The following IGSF9B variants were observed in gnomAD, a reference collection of about 807,000 sequenced individuals.
The protein encoded by IGSF9B is immunoglobulin superfamily member 9B.
IGSF9B carries 48 observed loss-of-function variants against 143.7 expected under a neutral mutation model. The ratio of observed to expected loss-of-function variants is 0.33; its 90% CI spans 0.26 to 0.42. IGSF9B has a LOEUF of 0.42. IGSF9B is among the 20% of genes least tolerant of loss of function. IGSF9B has a pLI of 1.00. For missense variants in IGSF9B, 1,706 were observed against 1,980.0 expected (o/e 0.86, Z 2.63); for synonymous variants, 903 against 833.1 (o/e 1.08, Z -1.44).
In IGSF9B at chr11:133,940,732, A is replaced by G. The variant is rs547294274; in HGVS notation, c.410-2771T>C. On this transcript the variant is annotated intron_variant, in intron 3 of 19. Coordinates refer to ENST00000533871, the MANE Select transcript of IGSF9B (RefSeq NM_001277285.4). ...CGCATGTCCTCGCACGCGTCATCAC[A>G]TACAGAAACATACACCTTGCACGTC... Among the ~76,000 whole-genome samples the G allele has an allele frequency of 2.6e-5, 4 of 151,168 alleles. No individual in the cohort carries two copies. The South Asian group carries it at 8.4e-4, about 32-fold the overall frequency.
chr11:133,955,435 C>A (rs1940233856), intron 1 of IGSF9B, among the ~76,000 whole-genome samples: 1 of 152,258 alleles, frequency 6.6e-6, no homozygotes, highest in Non-Finnish European at 1.5e-5. Flanking sequence ...GGAAAGTTTC[C>A]TGAAGCACGC....
chr11:133,944,110 G>T, intron 3 of IGSF9B, 110 bp downstream of exon 3: 2 of 1,184,854 alleles, frequency 1.7e-6, no homozygotes, highest in Non-Finnish European at 2.3e-6. Flanking sequence ...GGGGGGCAGG[G>T]GGTGAGATGC....
chr11:133,922,466 T>C, intron 16 of IGSF9B, 103 bp downstream of exon 16: 1 of 1,172,754 alleles, frequency 8.5e-7, no homozygotes, highest in Non-Finnish European at 1.2e-6. Context: ...GATCTCAATG[T>C]CCCTATTTCC....
At chr11:133,926,868 C>T (rs1298061499) in intron 13 of IGSF9B, 48 bp downstream of exon 13, 2 of 1,499,282 alleles carry the variant, frequency 1.3e-6, no homozygotes, top group Non-Finnish European at 9.0e-7. Context: ...CCACCGCCCC[C>T]ACCACCTCTA....
At chr11:133,937,552 T>C in intron 4 of IGSF9B, 59 bp from the exon 5 acceptor site, 2 of 1,365,034 alleles carry the variant, frequency 1.5e-6, no homozygotes, top group Non-Finnish European at 2.1e-6. Context: ...GCTGCTACCC[T>C]CAAACACGGA....
At chr11:133,934,345 C>T (rs191258306) in intron 7 of IGSF9B, among the ~76,000 whole-genome samples, 149 of 152,338 alleles carry the variant, frequency 9.8e-4, no homozygotes, top group Admixed American at 3.1e-3. Context: ...CACAGAGGGA[C>T]GGGGCGCACC....
At chr11:133,944,760 G>C (rs903714610) in intron 2 of IGSF9B, among the ~76,000 whole-genome samples, 14 of 152,206 alleles carry the variant, frequency 9.2e-5, no homozygotes, top group Non-Finnish European at 1.6e-4. Flanking sequence ...AGGATGGGTG[G>C]GGGGTCTCCA....
chr11:133,948,443 T>G lies in IGSF9B; in HGVS notation c.65-2185A>C, dbSNP rs1243260324. Among the ~76,000 whole-genome samples, 1 of 152,146 alleles carries G rather than the reference T, an allele frequency of 6.6e-6. No individual in the cohort carries two copies. The highest frequency in any genetic ancestry group is 1.5e-5 in the Non-Finnish European group (1 of 68,026). On this transcript the variant is annotated intron_variant, in intron 1 of 19. Coordinates refer to ENST00000533871, the MANE Select transcript of IGSF9B (RefSeq NM_001277285.4). The surrounding 1 kb of genome is among the most constrained non-coding windows in gnomAD (Gnocchi z 4.7). ...CCCCAACCTTGCTTCAGGCTAAGTTTGCAACCCAGCCCCTCAGGGAAAGCA... is the reference window on the plus strand; with the variant it reads ...CCCCAACCTTGCTTCAGGCTAAGTTGGCAACCCAGCCCCTCAGGGAAAGCA...
Position 133,908,057 on chromosome 11 carries a change from C to G in IGSF9B, c.*1012G>C, listed in dbSNP as rs890961741. Among the ~76,000 whole-genome samples, 3 of 152,244 alleles carry G rather than the reference C, an allele frequency of 2.0e-5. No individual in the cohort carries two copies. Among genetic ancestry groups the G allele is most frequent in the Non-Finnish European group, 2.9e-5 (2 of 68,040 alleles). On this transcript the variant is annotated 3_prime_UTR_variant, in exon 20 of 20. Coordinates refer to ENST00000533871, the MANE Select transcript of IGSF9B (RefSeq NM_001277285.4). ...GAGCCGGGGACGGTATAAATAGAGC[C>G]GGCAGCTTGGCGCTAGCACAGGTGG...
At chr11:133,938,738 A>G (rs1388708298) in intron 3 of IGSF9B, among the ~76,000 whole-genome samples, 1 of 152,058 alleles carries the variant, frequency 6.6e-6, no homozygotes, top group Non-Finnish European at 1.5e-5. Context: ...TCCAGCCCGG[A>G]GGCCCACGGC....
chr11:133,911,747 T>G, intron 19 of IGSF9B, 139 bp downstream of exon 19: 1 of 610,492 alleles, frequency 1.6e-6, no homozygotes, highest in Non-Finnish European at 2.5e-6. Context: ...CAAGAGAAGC[T>G]TGTGGATTCA....
In IGSF9B at chr11:133,898,834, A is replaced by AGT. The variant is rs1335796062; in HGVS notation, c.*10233_*10234dup. ...CACAGGCAACCCCCTGTGGACAGGA[A>AGT]GTGTGTGTGCAGGCTTGCCTCTTCC... is the stretch of plus-strand genomic sequence containing the variant. On this transcript the variant is annotated 3_prime_UTR_variant, in exon 20 of 20. Transcript: ENST00000533871. The AGT allele has an allele frequency of 6.6e-6, 1 of 152,294 alleles. No individual in the cohort carries two copies. The highest frequency in any genetic ancestry group is 1.9e-4 in the East Asian group (1 of 5,178). The allele number at this position is 152,294 out of a possible 1,614,324, so 9.4% of individuals were successfully genotyped here. A position where few individuals can be genotyped will look rare whatever the true frequency, so the allele number is the denominator to read the frequency against.
chr11:133,922,499 G>T, intron 16 of IGSF9B, 70 bp downstream of exon 16: 1 of 1,480,654 alleles, frequency 6.8e-7, no homozygotes, highest in Non-Finnish European at 9.3e-7. Context: ...GCTAAAAATG[G>T]TCCACCTCTC....
At position 133,913,719 on chromosome 11, in the gene IGSF9B, G is replaced by A. The variant is rs1300168094; in HGVS notation, c.3984-1712C>T. Reference sequence around the variant, plus strand: ...GATCCTACAGCGCAGCAGCAGCTGGGAAGGAAGCGGGAAGGCAGACAAAGG... The same window carrying A: ...GATCCTACAGCGCAGCAGCAGCTGGAAAGGAAGCGGGAAGGCAGACAAAGG... On this transcript the variant is annotated intron_variant, in intron 18 of 19. Coordinates refer to ENST00000533871, the MANE Select transcript of IGSF9B (RefSeq NM_001277285.4). The surrounding 1 kb of genome is among the most constrained non-coding windows in gnomAD (Gnocchi z 4.6). 6.6e-6 allele frequency among the ~76,000 whole-genome samples: 1 copy of A among 152,230 alleles called. No individual in the cohort carries two copies. Among genetic ancestry groups the A allele is most frequent in the Non-Finnish European group, 1.5e-5 (1 of 68,050 alleles).
At chr11:133,950,210 G>T (rs552720232) in intron 1 of IGSF9B, among the ~76,000 whole-genome samples, 15 of 152,360 alleles carry the variant, frequency 9.8e-5, no homozygotes, top group African/African-American at 2.9e-4. Flanking sequence ...CCTCCGCCGG[G>T]GAAGGGCTGG....
rs2121257320 is a variant in IGSF9B, at chr11:133,903,311, G to C, written c.*5758C>G. Reference sequence around the variant, plus strand: ...GTGTGATGGGAATGGTGACAACCAAGGACCAGTGACAGGAGCTGAGCATTT... The same window carrying C: ...GTGTGATGGGAATGGTGACAACCAACGACCAGTGACAGGAGCTGAGCATTT... On this transcript the variant is annotated 3_prime_UTR_variant, in exon 20 of 20. Coordinates refer to ENST00000533871, the MANE Select transcript of IGSF9B (RefSeq NM_001277285.4). Among the ~76,000 whole-genome samples the C allele has an allele frequency of 6.6e-6, 1 of 152,234 alleles. No homozygotes were observed. Among genetic ancestry groups the C allele is most frequent in the East Asian group, 1.9e-4 (1 of 5,168 alleles).
At chr11:133,912,451 A>C in intron 18 of IGSF9B, 1 of 438,254 alleles carries the variant, frequency 2.3e-6, no homozygotes, top group South Asian at 1.6e-5. Flanking sequence ...CCAGTGAATC[A>C]TCCTCCATCT....
At position 133,922,629 on chromosome 11, in the gene IGSF9B, T is replaced by C; in HGVS notation, c.2221A>G (p.Ser741Gly). The change falls in exon 16 of 20, where the codon AGC becomes GGC. Residue 741 changes from serine (S) to glycine (G), a missense_variant. Transcript: ENST00000533871. ...TTGACAAAGCAGGCAGCCAGGGTGCTGAACAGGATGGCAGCTGCCAAGAAG... is the reference window on the plus strand; with the variant it reads ...TTGACAAAGCAGGCAGCCAGGGTGCCGAACAGGATGGCAGCTGCCAAGAAG... The part of the protein sequence containing the change: ...ICFLAAAILF[S>G]TLAACFVNKQ... 1.2e-6 allele frequency: 2 copies of C among 1,606,226 alleles called. No individual in the cohort carries two copies. Among genetic ancestry groups the C allele is most frequent in the Non-Finnish European group, 1.7e-6 (2 of 1,176,474 alleles).
At chr11:133,954,372 C>G (rs1940214429) in intron 1 of IGSF9B, among the ~76,000 whole-genome samples, 1 of 152,170 alleles carries the variant, frequency 6.6e-6, no homozygotes, top group African/African-American at 2.4e-5. Flanking sequence ...ACAAGAGGTT[C>G]TGCCCAGACA....
Sources: gnomAD v4.1 joint callset for allele counts (sites outside exome capture counted in the v4.1 genomes callset) on GRCh38, gnomAD v4.1.1 for gene constraint, Gnocchi (gnomAD v3.1) non-coding constraint, MANE v1.5 for transcripts, NCBI Gene and HGNC (gene_info 2026-07-23, HGNC 2026-07-21) for gene names.